The following TMEM260 variants were observed in gnomAD, a reference collection of about 807,000 sequenced individuals.
TMEM260 encodes the protein transmembrane protein 260.
In TMEM260, 82 loss-of-function variants were observed where a neutral mutation model predicts 88.9. The ratio of observed to expected loss-of-function variants is 0.92; its 90% CI spans 0.77 to 1.11. TMEM260 has a LOEUF of 1.11. Among genes scored for constraint, TMEM260 ranks in the 50% least tolerant of loss-of-function variants. The pLI is 0.00. For synonymous variants in TMEM260, 314 were observed against 309.3 expected (o/e 1.02, Z -0.16); for missense variants, 902 against 853.4 (o/e 1.06, Z -0.71).
chr14:56,621,906 GCTT>G (rs1355797015), intron 11 of TMEM260, among the ~76,000 whole-genome samples: 1 of 152,026 alleles, frequency 6.6e-6, no homozygotes, highest in Non-Finnish European at 1.5e-5. Flanking sequence ...CACACTAGTT[GCTT>G]CTTTCTCATT....
chr14:56,585,899 T>C lies in TMEM260; in HGVS notation c.331T>C (p.Phe111Leu). The change falls in exon 3 of 16, where the codon TTC (phenylalanine) becomes CTC (leucine). Residue 111 changes from phenylalanine to leucine, a missense_variant. By Grantham distance (22) the Phe-to-Leu change is conservative (BLOSUM62 0). Transcript: ENST00000261556. ...FGAVAASLLF[F>L]TVFRLSGSSA... ...AGCAGTAGCTGCATCATTACTTTTTTTCACCGTTTTCAGGTAAAGTAGTTG... is the reference window on the plus strand; with the variant it reads ...AGCAGTAGCTGCATCATTACTTTTTCTCACCGTTTTCAGGTAAAGTAGTTG... 1 of 1,612,224 alleles carries C rather than the reference T, an allele frequency of 6.2e-7. No individual in the cohort carries two copies. Among genetic ancestry groups the C allele is most frequent in the South Asian group, 1.1e-5 (1 of 90,526 alleles).
intron 1 of TMEM260, among the ~76,000 whole-genome samples, chr14:56,583,214 A>G (rs887294185): frequency 2.6e-5 from 4 of 152,236 alleles, no homozygotes; most frequent in Admixed American, 6.5e-5. Context: ...TATCCTTTAC[A>G]GTAGTTAACA....
At position 56,580,062 on chromosome 14, in the gene TMEM260, G is replaced by T; in HGVS notation, c.148G>T (p.Gly50Trp). 1.6e-6 allele frequency: 2 copies of T among 1,252,198 alleles called. No individual in the cohort carries two copies. Among genetic ancestry groups the T allele is most frequent in the East Asian group, 3.1e-5 (1 of 32,216 alleles). The allele number at this position is 1,252,198 out of a possible 1,614,324, so 77.6% of individuals were successfully genotyped here. A position where few individuals can be genotyped will look rare whatever the true frequency, so the allele number is the denominator to read the frequency against. The change falls in exon 1 of 16, where the codon GGG becomes TGG. Residue 50 changes from glycine (G) to tryptophan (W), a missense_variant. By Grantham distance (184) the Gly-to-Trp change is radical. Transcript: ENST00000261556. The part of the protein sequence containing the change: ...FTFTLPPSVP[G>W]GDSGELITAA... ...CTTCACCCTGCCCCCTTCGGTACCG[G>T]GGGGAGACTCCGGTAAAGTACTCGC...
chr14:56,661,226 C>T, the TMEM260 span, among the ~76,000 whole-genome samples: 8 of 152,188 alleles, frequency 5.3e-5, no homozygotes, highest in African/African-American at 1.9e-4. Context: ...GTCGCCACCC[C>T]TCCTCCTCCT....
At chr14:56,601,704 AT>A (rs1022024234) in intron 3 of TMEM260, among the ~76,000 whole-genome samples, 1 of 152,038 alleles carries the variant, frequency 6.6e-6, no homozygotes, top group African/African-American at 2.4e-5. Context: ...CTTCTCACCT[AT>A]TTATTTATAT....
chr14:56,596,555 T>C (rs1886243888), intron 3 of TMEM260, among the ~76,000 whole-genome samples: 1 of 149,976 alleles, frequency 6.7e-6, no homozygotes, highest in Non-Finnish European at 1.5e-5. Flanking sequence ...TCACCTGAGG[T>C]CAGGAGTTCA....
the TMEM260 span, among the ~76,000 whole-genome samples, chr14:56,659,530 C>T: frequency 2.6e-5 from 4 of 152,204 alleles, no homozygotes; most frequent in African/African-American, 7.2e-5. Flanking sequence ...TGGGTGAGAA[C>T]TGGGCAGCCC....
intron 10 of TMEM260, 87 bp downstream of exon 10, chr14:56,618,850 C>A: frequency 7.4e-7 from 1 of 1,344,156 alleles, no homozygotes; most frequent in Non-Finnish European, 1.0e-6. Context: ...TCATTGTTAA[C>A]TTCTGGTTTT....
intron 3 of TMEM260, among the ~76,000 whole-genome samples, chr14:56,586,299 TA>T (rs1230466580): frequency 6.6e-6 from 1 of 152,176 alleles, no homozygotes; most frequent in African/African-American, 2.4e-5. Context: ...GGTCCAGGGC[TA>T]ATACCTAATT....
chr14:56,593,516 T>C (rs1000255766), intron 3 of TMEM260, among the ~76,000 whole-genome samples: 2 of 151,798 alleles, frequency 1.3e-5, no homozygotes, highest in Non-Finnish European at 2.9e-5. Flanking sequence ...AGTATAAAAT[T>C]ATTTATATAA....
At chr14:56,610,784 A>G (rs1887210813) in intron 6 of TMEM260, among the ~76,000 whole-genome samples, 1 of 152,174 alleles carries the variant, frequency 6.6e-6, no homozygotes, top group South Asian at 2.1e-4. Flanking sequence ...TAATTCATAC[A>G]TAATTGTGAA....
rs549272264 is a variant in TMEM260 at position 56,589,542 on chromosome 14, A to C, written c.344+3630A>C. Among the ~76,000 whole-genome samples the C allele has an allele frequency of 1.4e-4, 21 of 152,298 alleles. 1 individual carries two copies. The South Asian group carries it at 4.1e-3, about 30-fold the overall frequency. ...AACTCACATAAAAATACTTCCTAAC[A>C]TCATTAATATTGTGCAGTAAGACAT... On this transcript the variant is annotated intron_variant, in intron 3 of 15. Transcript: ENST00000261556.
intron 14 of TMEM260, among the ~76,000 whole-genome samples, chr14:56,635,387 G>C (rs531719499): frequency 1.3e-5 from 2 of 152,280 alleles, no homozygotes; most frequent in Non-Finnish European, 1.5e-5. Context: ...GCCAGGCACT[G>C]GGCTAGGCAT....
At chr14:56,651,784 A>C (rs1051553148), downstream of TMEM260, among the ~76,000 whole-genome samples, 1 of 152,240 alleles carries the variant, frequency 6.6e-6, no homozygotes, top group Non-Finnish European at 1.5e-5. Flanking sequence ...ACCATTTCAA[A>C]ACTTTAGCGT....
chr14:56,647,604 C>T lies in TMEM260; in HGVS notation c.*107C>T, dbSNP rs559435332. The T allele has an allele frequency of 5.2e-5, 64 of 1,237,380 alleles. 1 individual carries two copies. In the South Asian group the frequency reaches 9.0e-4, roughly 17 times the overall value. The allele number at this position is 1,237,380 out of a possible 1,614,324, so 76.7% of individuals were successfully genotyped here. A position where few individuals can be genotyped will look rare whatever the true frequency, so the allele number is the denominator to read the frequency against. On this transcript the variant is annotated 3_prime_UTR_variant, in exon 16 of 16. Coordinates refer to ENST00000261556, the MANE Select transcript of TMEM260 (RefSeq NM_017799.4). ...CTGCATAAAAAATTTAAAACTAAGTCATCTCCCAGATATAAGTATCATGGT... is the reference window on the plus strand; with the variant it reads ...CTGCATAAAAAATTTAAAACTAAGTTATCTCCCAGATATAAGTATCATGGT...
Position 56,621,635 on chromosome 14 carries a change from G to C in TMEM260, c.1331G>C (p.Gly444Ala). 6.2e-7 allele frequency: 1 copy of C among 1,613,456 alleles called. No individual in the cohort carries two copies. The highest frequency in any genetic ancestry group is 8.5e-7 in the Non-Finnish European group (1 of 1,179,742). ...AIILLRGDLP[G>A]NSLRYMHYCE... ...ATCTTACTCAGAGGAGATTTGCCAG[G>C]AAATTCTCTCCGTTACATGCATTAC... Residue 444 changes from glycine to alanine, a missense_variant, in exon 11 of 16, where the codon GGA (glycine) becomes GCA (alanine). Physicochemically the swap from Gly to Ala is moderately conservative, Grantham distance 60. Coordinates refer to ENST00000261556, the MANE Select transcript of TMEM260 (RefSeq NM_017799.4).
intron 12 of TMEM260, among the ~76,000 whole-genome samples, chr14:56,628,328 A>G (rs542640823): frequency 2.0e-5 from 3 of 152,324 alleles, no homozygotes; most frequent in Admixed American, 6.5e-5. Context: ...AACCTCTGTC[A>G]AATATGCAGT....
intron 15 of TMEM260, among the ~76,000 whole-genome samples, chr14:56,644,567 A>G (rs1361883806): frequency 6.6e-6 from 1 of 152,228 alleles, no homozygotes; most frequent in Non-Finnish European, 1.5e-5. Context: ...AAACCTAGGC[A>G]GTACCATTCA....
chr14:56,636,683 C>T, intron 15 of TMEM260, 85 bp downstream of exon 15: 1 of 1,162,400 alleles, frequency 8.6e-7, no homozygotes, highest in Middle Eastern at 2.0e-4. Flanking sequence ...GGGTATATCA[C>T]ATTAGAATTT....
Sources: allele counts gnomAD v4.1 joint callset (sites outside exome capture counted in the v4.1 genomes callset), GRCh38; gene constraint gnomAD v4.1.1; transcripts MANE v1.5; gene names NCBI Gene and HGNC (gene_info 2026-07-23, HGNC 2026-07-21).